PPP1R2B: variants seen among roughly 807,000 people sequenced by gnomAD.
PPP1R2B encodes the protein PPP1R2 family member B.
PPP1R2B carries 13 observed loss-of-function variants against 17.6 expected under a neutral mutation model. The ratio of observed to expected loss-of-function variants is 0.74; its 90% CI spans 0.48 to 1.17. The LOEUF (loss-of-function observed/expected upper bound fraction) is 1.17, where lower values mean the gene tolerates loss of function less well. Ranked by LOEUF, PPP1R2B falls within the 50% of genes most tolerant of loss-of-function variation. PPP1R2B has a pLI of 0.00. For missense variants in PPP1R2B, 230 were observed against 252.4 expected (o/e 0.91, Z 0.60); for synonymous variants, 105 against 95.4 (o/e 1.10, Z -0.59).
Position 156,851,162 on chromosome 5 carries a change from C to G in PPP1R2B, c.600C>G (p.Asn200Lys). 6.4e-7 allele frequency: 1 copy of G among 1,572,216 alleles called. No homozygotes were observed. Among genetic ancestry groups the G allele is most frequent in the Non-Finnish European group, 8.8e-7 (1 of 1,141,942 alleles). Residue 200 changes from asparagine to lysine, a missense_variant, in exon 1 of 1, where the codon AAC becomes AAG. Asn to Lys is a moderately conservative substitution (Grantham distance 94, BLOSUM62 0). Coordinates refer to ENST00000522232, the MANE Select transcript of PPP1R2B (RefSeq NM_206858.3). ...QGSTPSDQQQNKLRSS is the reference protein window; with the variant it reads ...QGSTPSDQQQKKLRSS ...CTACTCCAAGTGACCAACAGCAAAA[C>G]AAATTACGAAGTTCATAGAAGAGAT... is the stretch of plus-strand genomic sequence containing the variant.
Position 156,851,495 on chromosome 5 carries a change from A to G in PPP1R2B, c.*315A>G, listed in dbSNP as rs534757288. ...CTTTTTATGCTTTAGAAGTTAAGCA[A>G]TATCTTTGGGGGGGAACTAATTTAT... is the stretch of plus-strand genomic sequence containing the variant. On this transcript the variant is annotated 3_prime_UTR_variant, in exon 1 of 1. Transcript: ENST00000522232. The G allele has an allele frequency of 3.2e-4, 121 of 381,476 alleles. No individual in the cohort carries two copies. Among genetic ancestry groups the G allele is most frequent in the African/African-American group, 3.7e-4 (18 of 48,046 alleles). The allele number at this position is 381,476 out of a possible 1,614,324, so 23.6% of individuals were successfully genotyped here.
Position 156,850,622 on chromosome 5 carries a change from T to C in PPP1R2B, c.60T>C (p.Ser20=), listed in dbSNP as rs1207205546. Residue 20 remains serine (S), a synonymous_variant, in exon 1 of 1, where the codon TCT becomes TCC. Transcript: ENST00000522232. ...AGGGGATCTTGAAGAACAAGACCTC[T>C]ACGACTTCCTCTATGGTGGCGTCGG... ...PIKGILKNKT[S]TTSSMVASAE... 6.2e-7 allele frequency: 1 copy of C among 1,602,878 alleles called. No homozygotes were observed. The highest frequency in any genetic ancestry group is 8.5e-7 in the Non-Finnish European group (1 of 1,173,492).
Position 156,850,559 on chromosome 5 carries a change from G to A in PPP1R2B, c.-4G>A, listed in dbSNP as rs1234368786. 35 of 1,585,220 alleles carry A rather than the reference G, an allele frequency of 2.2e-5. No individual in the cohort carries two copies. The highest frequency in any genetic ancestry group is 2.9e-5 in the Non-Finnish European group (34 of 1,165,944). On this transcript the variant is annotated 5_prime_UTR_variant, in exon 1 of 1. Transcript: ENST00000522232. ...CCCTGAGGCGACAGCCGGAGCGCCC[G>A]GCAATGGCGGCCTCGACGGCCTCCC...
At position 156,850,843 on chromosome 5, in the gene PPP1R2B, C is replaced by T; in HGVS notation, c.281C>T (p.Ala94Val). The change falls in exon 1 of 1, where the codon GCC (alanine) becomes GTC (valine). Residue 94 changes from alanine to valine, a missense_variant. By Grantham distance (64) the Ala-to-Val change is moderately conservative. Coordinates refer to ENST00000522232, the MANE Select transcript of PPP1R2B (RefSeq NM_206858.3). Reference protein sequence around the residue: ...DACRDTETTEAMAPDILAKKL... With the variant: ...DACRDTETTEVMAPDILAKKL... ...TGTAGGGACACCGAGACCACTGAAG[C>T]CATGGCGCCAGACATCCTAGCCAAG... The T allele has an allele frequency of 6.5e-7, 1 of 1,549,570 alleles. No individual in the cohort carries two copies.
rs879890683 is a variant in PPP1R2B at position 156,852,295 on chromosome 5, T to G, written c.*1115T>G. The G allele has an allele frequency of 9.3e-5, 14 of 151,146 alleles. No individual in the cohort carries two copies. In the South Asian group the frequency reaches 1.0e-3, roughly 11 times the overall value. 9.4% of individuals were successfully genotyped at this position (151,146 alleles called of 1,614,324 possible). A position where few individuals can be genotyped will look rare whatever the true frequency, so the allele number is the denominator to read the frequency against. The stretch of plus-strand genomic sequence containing the variant: ...TTAGACTTAAGAAAACAACCGAGGG[T>G]TTTTTTTTGTTTTTTGAGGGTTTTC... On this transcript the variant is annotated 3_prime_UTR_variant, in exon 1 of 1. Coordinates refer to ENST00000522232, the MANE Select transcript of PPP1R2B (RefSeq NM_206858.3).
At position 156,851,159 on chromosome 5, in the gene PPP1R2B, A is replaced by G. The variant is rs1561529903; in HGVS notation, c.597A>G (p.Gln199=). The G allele has an allele frequency of 1.3e-6, 2 of 1,576,134 alleles. No individual in the cohort carries two copies. Among genetic ancestry groups the G allele is most frequent in the Non-Finnish European group, 1.7e-6 (2 of 1,145,412 alleles). ...GATCTACTCCAAGTGACCAACAGCA[A>G]AACAAATTACGAAGTTCATAGAAGA... ...NQGSTPSDQQ[Q]NKLRSS Residue 199 remains glutamine (Q), a synonymous_variant, in exon 1 of 1, where the codon CAA becomes CAG. Transcript: ENST00000522232.
In PPP1R2B at chr5:156,850,674, G is replaced by C; in HGVS notation, c.112G>C (p.Glu38Gln). The C allele has an allele frequency of 6.3e-7, 1 of 1,580,708 alleles. No individual in the cohort carries two copies. Among genetic ancestry groups the C allele is most frequent in the Non-Finnish European group, 8.7e-7 (1 of 1,150,180 alleles). ...CGAACAGCCCCGCAGGAGTGTCGAC[G>C]AGGAGCTGAGCAAAAAATCCCAGAA... is the stretch of plus-strand genomic sequence containing the variant. ...SAEQPRRSVDEELSKKSQKWD... is the reference protein window; with the variant it reads ...SAEQPRRSVDQELSKKSQKWD... Residue 38 changes from glutamate to glutamine, a missense_variant, in exon 1 of 1, where the codon GAG (glutamate) becomes CAG (glutamine). Glu to Gln is a conservative substitution (Grantham distance 29). Transcript: ENST00000522232.
Position 156,851,506 on chromosome 5 carries a change from G to T in PPP1R2B, c.*326G>T. 1 of 347,440 alleles carries T rather than the reference G, an allele frequency of 2.9e-6. No individual in the cohort carries two copies. The highest frequency in any genetic ancestry group is 5.2e-6 in the Non-Finnish European group (1 of 193,608). The allele number at this position is 347,440 out of a possible 1,614,324, so 21.5% of individuals were successfully genotyped here. Reference sequence around the variant, plus strand: ...TTAGAAGTTAAGCAATATCTTTGGGGGGGAACTAATTTATTTTCATCACTC... The same window carrying T: ...TTAGAAGTTAAGCAATATCTTTGGGTGGGAACTAATTTATTTTCATCACTC... On this transcript the variant is annotated 3_prime_UTR_variant, in exon 1 of 1. Coordinates refer to ENST00000522232, the MANE Select transcript of PPP1R2B (RefSeq NM_206858.3).
rs764471746 is a variant in PPP1R2B at position 156,850,521 on chromosome 5, C to A, written c.-42C>A. 1.3e-6 allele frequency: 2 copies of A among 1,566,578 alleles called. No homozygotes were observed. The highest frequency in any genetic ancestry group is 1.7e-6 in the Non-Finnish European group (2 of 1,156,006). On this transcript the variant is annotated 5_prime_UTR_variant, in exon 1 of 1. Coordinates refer to ENST00000522232, the MANE Select transcript of PPP1R2B (RefSeq NM_206858.3). ...CCGACCCTTCTCTTCGCGGACCCCACGCCAAGCAGCGACCCTGAGGCGACA... is the reference window on the plus strand; with the variant it reads ...CCGACCCTTCTCTTCGCGGACCCCAAGCCAAGCAGCGACCCTGAGGCGACA...
At position 156,850,423 on chromosome 5, in the gene PPP1R2B, CGTT is replaced by C; in HGVS notation, c.-139_-137del. The stretch of plus-strand genomic sequence containing the variant: ...TCGTTGTGACAACCGCTCCAGTAGC[CGTT>C]TCCGAGGCAGCAGGTGCGGCCGCTT... On this transcript the variant is annotated 5_prime_UTR_variant, in exon 1 of 1. Coordinates refer to ENST00000522232, the MANE Select transcript of PPP1R2B (RefSeq NM_206858.3). The C allele has an allele frequency of 9.6e-7, 1 of 1,042,888 alleles. No homozygotes were observed. Among genetic ancestry groups the C allele is most frequent in the Admixed American group, 2.9e-5 (1 of 34,740 alleles). 64.6% of individuals were successfully genotyped at this position (1,042,888 alleles called of 1,614,324 possible). A position where few individuals can be genotyped will look rare whatever the true frequency, so the allele number is the denominator to read the frequency against.
In PPP1R2B at chr5:156,851,484, G is replaced by A; in HGVS notation, c.*304G>A. ...ATATTATAGAGCTTTTTATGCTTTA[G>A]AAGTTAAGCAATATCTTTGGGGGGG... On this transcript the variant is annotated 3_prime_UTR_variant, in exon 1 of 1. Transcript: ENST00000522232. 1 of 414,730 alleles carries A rather than the reference G, an allele frequency of 2.4e-6. No homozygotes were observed. The highest frequency in any genetic ancestry group is 4.2e-6 in the Non-Finnish European group (1 of 235,342). 25.7% of individuals were successfully genotyped at this position (414,730 alleles called of 1,614,324 possible).
Position 156,851,154 on chromosome 5 carries a change from C to G in PPP1R2B, c.592C>G (p.Gln198Glu), listed in dbSNP as rs761532914. 117 of 1,578,964 alleles carry G rather than the reference C, an allele frequency of 7.4e-5. 1 individual carries two copies. In the South Asian group the frequency reaches 1.3e-3, roughly 17 times the overall value. The change falls in exon 1 of 1, where the codon CAG becomes GAG. Residue 198 changes from glutamine to glutamate, a missense_variant. By Grantham distance (29) the Gln-to-Glu change is conservative. Transcript: ENST00000522232. ...TCAAGGATCTACTCCAAGTGACCAA[C>G]AGCAAAACAAATTACGAAGTTCATA... ...SNQGSTPSDQ[Q>E]QNKLRSS
rs183405829 is a variant in PPP1R2B at position 156,850,962 on chromosome 5, C to A, written c.400C>A (p.Arg134=). The change falls in exon 1 of 1, where the codon CGA becomes AGA. Residue 134 remains arginine (R), a synonymous_variant. Coordinates refer to ENST00000522232, the MANE Select transcript of PPP1R2B (RefSeq NM_206858.3). ...EEDSDLSPEE[R]EKKRQFEMRR... is the part of the protein sequence containing the mutation. ...GGATAGTGACCTCTCACCTGAAGAA[C>A]GAGAAAAAAAGCGACAATTTGAAAT... The A allele has an allele frequency of 3.3e-5, 53 of 1,612,824 alleles. 1 individual carries two copies. In the African/African-American group the frequency reaches 3.9e-4, roughly 12 times the overall value.
In PPP1R2B at chr5:156,851,545, T is replaced by G. The variant is rs913130384; in HGVS notation, c.*365T>G. ...TTTTCATCACTCGAAATGTGGTAGC[T>G]CTTACAAAGTTTGTTGATTTGTTTT... On this transcript the variant is annotated 3_prime_UTR_variant, in exon 1 of 1. Transcript: ENST00000522232. 3.9e-6 allele frequency: 1 copy of G among 255,358 alleles called. No individual in the cohort carries two copies. Among genetic ancestry groups the G allele is most frequent in the African/African-American group, 2.3e-5 (1 of 44,290 alleles). The allele number at this position is 255,358 out of a possible 1,614,324, so 15.8% of individuals were successfully genotyped here.
chr5:156,850,472 G>A lies in PPP1R2B; in HGVS notation c.-91G>A, dbSNP rs898821568. 4 of 1,475,522 alleles carry A rather than the reference G, an allele frequency of 2.7e-6. No individual in the cohort carries two copies. The highest frequency in any genetic ancestry group is 2.8e-5 in the African/African-American group (2 of 70,844). The allele number at this position is 1,475,522 out of a possible 1,614,324, so 91.4% of individuals were successfully genotyped here. A position where few individuals can be genotyped will look rare whatever the true frequency, so the allele number is the denominator to read the frequency against. ...CGCTTTAGCCCTGAGCGGGCTCTGC[G>A]GCTGCCTGCGAGTCTCTGCTGTGCC... On this transcript the variant is annotated 5_prime_UTR_variant, in exon 1 of 1. Coordinates refer to ENST00000522232, the MANE Select transcript of PPP1R2B (RefSeq NM_206858.3).
Position 156,851,113 on chromosome 5 carries a change from A to G in PPP1R2B, c.551A>G (p.Asn184Ser), listed in dbSNP as rs769837749. 10 of 1,591,276 alleles carry G rather than the reference A, an allele frequency of 6.3e-6. No homozygotes were observed. The highest frequency in any genetic ancestry group is 8.6e-6 in the Non-Finnish European group (10 of 1,159,284). Residue 184 changes from asparagine to serine, a missense_variant, in exon 1 of 1, where the codon AAT (asparagine) becomes AGT (serine). Asn to Ser is a conservative substitution (Grantham distance 46). Coordinates refer to ENST00000522232, the MANE Select transcript of PPP1R2B (RefSeq NM_206858.3). ...MLETADGESM[N>S]TEESNQGSTP... ...GAGACTGCAGATGGAGAAAGCATGA[A>G]TACGGAAGAATCAAATCAAGGATCT...
Position 156,850,516 on chromosome 5 carries a change from C to G in PPP1R2B, c.-47C>G. On this transcript the variant is annotated 5_prime_UTR_variant, in exon 1 of 1. Coordinates refer to ENST00000522232, the MANE Select transcript of PPP1R2B (RefSeq NM_206858.3). ...CTGTGCCGACCCTTCTCTTCGCGGA[C>G]CCCACGCCAAGCAGCGACCCTGAGG... The G allele has an allele frequency of 6.4e-7, 1 of 1,563,628 alleles. No individual in the cohort carries two copies. The highest frequency in any genetic ancestry group is 1.9e-5 in the Admixed American group (1 of 52,650).
rs560991090 is a variant in PPP1R2B at position 156,852,290 on chromosome 5, G to T, written c.*1110G>T. 1 of 152,016 alleles carries T rather than the reference G, an allele frequency of 6.6e-6. No homozygotes were observed. Among genetic ancestry groups the T allele is most frequent in the African/African-American group, 2.4e-5 (1 of 41,432 alleles). The allele number at this position is 152,016 out of a possible 1,614,324, so 9.4% of individuals were successfully genotyped here. Reference sequence around the variant, plus strand: ...CTTAATTAGACTTAAGAAAACAACCGAGGGTTTTTTTTTGTTTTTTGAGGG... The same window carrying T: ...CTTAATTAGACTTAAGAAAACAACCTAGGGTTTTTTTTTGTTTTTTGAGGG... On this transcript the variant is annotated 3_prime_UTR_variant, in exon 1 of 1. Transcript: ENST00000522232.
chr5:156,851,365 A>G lies in PPP1R2B; in HGVS notation c.*185A>G. ...CTGAAAATGCCTAATTGATATATAT[A>G]TTCTTATGCCTAGTACTTTACCACA... On this transcript the variant is annotated 3_prime_UTR_variant, in exon 1 of 1. Coordinates refer to ENST00000522232, the MANE Select transcript of PPP1R2B (RefSeq NM_206858.3). 1.6e-6 allele frequency: 1 copy of G among 623,244 alleles called. No homozygotes were observed. The highest frequency in any genetic ancestry group is 2.8e-6 in the Non-Finnish European group (1 of 355,186). 38.6% of individuals were successfully genotyped at this position (623,244 alleles called of 1,614,324 possible).
Sources: allele counts gnomAD v4.1 joint callset, GRCh38; gene constraint gnomAD v4.1.1; transcripts MANE v1.5; gene names NCBI Gene and HGNC (gene_info 2026-07-23, HGNC 2026-07-21).